HPSE2: variants seen among roughly 807,000 people sequenced by gnomAD.
HPSE2 encodes inactive heparanase-2.
Under a neutral mutation model 60.5 loss-of-function variants are expected in HPSE2, and 38 were observed. The ratio of observed to expected loss-of-function variants is 0.63; its 90% CI spans 0.48 to 0.82. HPSE2 has a LOEUF of 0.82. Among genes scored for constraint, HPSE2 ranks in the 40% least tolerant of loss-of-function variants. The pLI is 0.00. For synonymous variants in HPSE2, 295 were observed against 293.2 expected, an observed-to-expected ratio of 1.01 and a Z score of -0.06; for missense variants, 713 against 740.4, an observed-to-expected ratio of 0.96 and a Z score of 0.43.
At chr10:98,649,873 C>T (rs1946870833) in intron 6 of HPSE2, among the ~76,000 whole-genome samples, 1 of 152,194 alleles carries the variant, frequency 6.6e-6, no homozygotes, top group Non-Finnish European at 1.5e-5. Flanking sequence ...CCAATTCAGG[C>T]TGCGATTCTT....
At chr10:98,679,432 A>G (rs1184149502) in intron 6 of HPSE2, among the ~76,000 whole-genome samples, 1 of 152,154 alleles carries the variant, frequency 6.6e-6, no homozygotes, top group Non-Finnish European at 1.5e-5. Context: ...CATTGCTCTG[A>G]CAATTAATGG....
intron 9 of HPSE2, among the ~76,000 whole-genome samples, chr10:98,569,937 A>G (rs544046242): frequency 6.6e-6 from 1 of 152,180 alleles, no homozygotes; most frequent in East Asian, 1.9e-4. Context: ...ATCCATTTTC[A>G]TTTACTTTAG....
At chr10:98,845,184 G>T (rs1009499323) in intron 3 of HPSE2, among the ~76,000 whole-genome samples, 15 of 152,140 alleles carry the variant, frequency 9.9e-5, no homozygotes, top group East Asian at 9.6e-4. Context: ...GTTGGTGAAA[G>T]AAATAAAAGC....
chr10:98,585,677 C>T (rs771437445), intron 9 of HPSE2, among the ~76,000 whole-genome samples: 5 of 151,564 alleles, frequency 3.3e-5, no homozygotes, highest in African/African-American at 7.3e-5. Context: ...TAAGGCCGGG[C>T]GCAGTGGCTC....
chr10:98,758,704 C>T (rs11189803), intron 3 of HPSE2, among the ~76,000 whole-genome samples: 107,770 of 152,102 alleles, frequency 0.71, 39,215 homozygotes, highest in South Asian at 0.81. Flanking sequence ...GGTGAGCTTG[C>T]GGAGAAAAAC....
intron 3 of HPSE2, among the ~76,000 whole-genome samples, chr10:98,898,084 C>T (rs990652462): frequency 6.6e-6 from 1 of 152,056 alleles, no homozygotes; most frequent in Admixed American, 6.6e-5. Flanking sequence ...GGCAAATAAG[C>T]ATATGAAAAG....
At chr10:99,075,961 T>C (rs918660767) in intron 3 of HPSE2, among the ~76,000 whole-genome samples, 5 of 152,310 alleles carry the variant, frequency 3.3e-5, no homozygotes, top group African/African-American at 1.2e-4. Context: ...ATCTTGTTTT[T>C]TAATTCATTC....
chr10:98,539,815 C>G (rs1333505169), intron 9 of HPSE2, among the ~76,000 whole-genome samples: 2 of 152,214 alleles, frequency 1.3e-5, no homozygotes, highest in Non-Finnish European at 2.9e-5. Flanking sequence ...TTTGATTCTT[C>G]TCTTTTAACT....
At chr10:99,230,107 C>T (rs1323979440) in intron 2 of HPSE2, among the ~76,000 whole-genome samples, 1 of 152,096 alleles carries the variant, frequency 6.6e-6, no homozygotes, top group Non-Finnish European at 1.5e-5. Flanking sequence ...ACTAGGAAAA[C>T]ATAAATCAAA....
At chr10:99,300,289 G>A in the HPSE2 span, among the ~76,000 whole-genome samples, 4 of 152,058 alleles carry the variant, frequency 2.6e-5, no homozygotes, top group Admixed American at 2.6e-4. Context: ...GAAGGTAGAG[G>A]ACTGATGAGG....
intron 3 of HPSE2, among the ~76,000 whole-genome samples, chr10:98,949,045 C>T (rs1592155): frequency 0.46 from 69,255 of 151,766 alleles, 17,847 homozygotes; most frequent in Non-Finnish European, 0.59. Flanking sequence ...TTTTGCTGCA[C>T]GGGGAGTTGG....
chr10:98,879,487 G>A (rs568930642), intron 3 of HPSE2, among the ~76,000 whole-genome samples: 3 of 152,090 alleles, frequency 2.0e-5, no homozygotes, highest in South Asian at 2.1e-4. Context: ...TGGTGAGGAC[G>A]CACTTTTTCC....
At chr10:98,877,284 C>T (rs1363766990) in intron 3 of HPSE2, among the ~76,000 whole-genome samples, 2 of 151,754 alleles carry the variant, frequency 1.3e-5, no homozygotes, top group African/African-American at 4.8e-5. Context: ...ATCACCATGA[C>T]TTTTATTTTA....
rs2136412383 is a variant in HPSE2 at position 98,459,229 on chromosome 10, G to A, written c.*345C>T. Reference sequence around the variant, plus strand: ...TTTGGATTTGTGGTTATAATGCTGTGTGACAGGATCATGGGGAGTTGTCTG... The same window carrying A: ...TTTGGATTTGTGGTTATAATGCTGTATGACAGGATCATGGGGAGTTGTCTG... On this transcript the variant is annotated 3_prime_UTR_variant, in exon 12 of 12. Coordinates refer to ENST00000370552, the MANE Select transcript of HPSE2 (RefSeq NM_021828.5). 1.2e-5 allele frequency: 4 copies of A among 347,036 alleles called. No individual in the cohort carries two copies. Among genetic ancestry groups the A allele is most frequent in the South Asian group, 1.0e-4 (4 of 38,214 alleles). 21.5% of individuals were successfully genotyped at this position (347,036 alleles called of 1,614,324 possible).
upstream of HPSE2, chr10:99,235,983 CTCGT>C (rs1355495969): frequency 2.3e-5 from 10 of 441,838 alleles, no homozygotes; most frequent in African/African-American, 1.1e-4. Flanking sequence ...CGCTCGCTCG[CTCGT>C]TTTGTTTTTT....
intron 4 of HPSE2, among the ~76,000 whole-genome samples, chr10:98,724,661 G>A (rs1949022333): frequency 6.6e-6 from 1 of 152,128 alleles, no homozygotes; most frequent in Admixed American, 6.6e-5. Flanking sequence ...TGTACTGGGT[G>A]CATATATATT....
chr10:98,871,440 CTG>C (rs1952730342), intron 3 of HPSE2, among the ~76,000 whole-genome samples: 2 of 151,786 alleles, frequency 1.3e-5, no homozygotes. Context: ...TTAAAAAAAA[CTG>C]TATACTTTTA....
At chr10:99,305,967 G>GCACACACACACACA in the HPSE2 span, among the ~76,000 whole-genome samples, 11 of 54,552 alleles carry the variant, frequency 2.0e-4, no homozygotes, top group Admixed American at 1.2e-3. Context: ...ACACACGCGC[G>GCACACACACACACA]CGCGCGCGCG....
intron 9 of HPSE2, among the ~76,000 whole-genome samples, chr10:98,564,861 C>T (rs557920062): frequency 6.6e-6 from 1 of 152,260 alleles, no homozygotes; most frequent in African/African-American, 2.4e-5. Flanking sequence ...ATTGAAAGTT[C>T]TTCTGAAAAT....
Sources: gnomAD v4.1 joint callset for allele counts (sites outside exome capture counted in the v4.1 genomes callset) on GRCh38, gnomAD v4.1.1 for gene constraint, MANE v1.5 for transcripts, NCBI Gene and HGNC (gene_info 2026-07-23, HGNC 2026-07-21) for gene names.